Variants in METAP1D observed in about 807,000 individuals in gnomAD.
The protein encoded by METAP1D is methionyl aminopeptidase type 1D, mitochondrial.
In METAP1D, 31 loss-of-function variants were observed where a neutral mutation model predicts 40.5. The observed-to-expected ratio is 0.77, with a 90% CI of 0.58 to 1.03. The LOEUF (loss-of-function observed/expected upper bound fraction) is 1.03, where lower values mean the gene tolerates loss of function less well. METAP1D is among the 50% of genes least tolerant of loss of function. The pLI, the probability that METAP1D is intolerant of heterozygous loss-of-function variation, is 0.00. For missense variants in METAP1D, 411 were observed against 420.7 expected, an observed-to-expected ratio of 0.98 and a Z score of 0.20; for synonymous variants, 151 against 146.4, an observed-to-expected ratio of 1.03 and a Z score of -0.22.
intron 1 of METAP1D, among the ~76,000 whole-genome samples, chr2:172,000,384 G>C (rs906998622): frequency 1.3e-5 from 2 of 152,188 alleles, no homozygotes; most frequent in African/African-American, 4.8e-5. Context: ...CTGGACACCC[G>C]GTTCCCTTCC....
chr2:172,064,078 C>A, intron 3 of METAP1D: 1 of 523,406 alleles, frequency 1.9e-6, no homozygotes, highest in Non-Finnish European at 2.9e-6. Flanking sequence ...ATTTAAAATC[C>A]AAATTCAATT....
At chr2:172,019,571 T>C (rs1183032768) in intron 1 of METAP1D, among the ~76,000 whole-genome samples, 1 of 151,564 alleles carries the variant, frequency 6.6e-6, no homozygotes, top group East Asian at 1.9e-4. Flanking sequence ...ATATAAAATA[T>C]ATACATATTA....
At chr2:172,057,953 G>A (rs1477414312) in intron 1 of METAP1D, among the ~76,000 whole-genome samples, 1 of 144,744 alleles carries the variant, frequency 6.9e-6, no homozygotes, top group Non-Finnish European at 1.5e-5. Flanking sequence ...TTTTTTTTGA[G>A]ACAGGATCTT....
intron 1 of METAP1D, among the ~76,000 whole-genome samples, chr2:172,015,956 T>C (rs1284680790): frequency 5.5e-5 from 8 of 145,968 alleles, no homozygotes; most frequent in Admixed American, 4.1e-4. Context: ...TCTTGTGTCT[T>C]AAAACTATAA....
intron 1 of METAP1D, among the ~76,000 whole-genome samples, chr2:172,019,693 A>G (rs1268533046): frequency 6.6e-6 from 1 of 152,064 alleles, no homozygotes; most frequent in Non-Finnish European, 1.5e-5. Flanking sequence ...ACTTTATAAA[A>G]CCTACTCTCT....
At position 172,080,475 on chromosome 2, in the gene METAP1D, T is replaced by C; in HGVS notation, c.*69T>C. 6.5e-7 allele frequency: 1 copy of C among 1,530,206 alleles called. No individual in the cohort carries two copies. Among genetic ancestry groups the C allele is most frequent in the Non-Finnish European group, 9.0e-7 (1 of 1,105,996 alleles). The allele number at this position is 1,530,206 out of a possible 1,614,324, so 94.8% of individuals were successfully genotyped here. A position where few individuals can be genotyped will look rare whatever the true frequency, so the allele number is the denominator to read the frequency against. ...AATTGCTGAAATTTGGCTGGAGAACTTTTAGAAGAAACAGGGAAATGACCG... is the reference window on the plus strand; with the variant it reads ...AATTGCTGAAATTTGGCTGGAGAACCTTTAGAAGAAACAGGGAAATGACCG... On this transcript the variant is annotated 3_prime_UTR_variant, in exon 10 of 10. Coordinates refer to ENST00000315796, the MANE Select transcript of METAP1D (RefSeq NM_199227.3).
intron 1 of METAP1D, among the ~76,000 whole-genome samples, chr2:172,017,066 C>T (rs1343427106): frequency 2.6e-5 from 4 of 152,070 alleles, no homozygotes; most frequent in South Asian, 2.1e-4. Flanking sequence ...TTTAAAATCA[C>T]GTTCATTTGT....
At chr2:172,016,297 AAAAATAT>A (rs1277463540) in intron 1 of METAP1D, among the ~76,000 whole-genome samples, 2 of 74,014 alleles carry the variant, frequency 2.7e-5, no homozygotes, top group East Asian at 7.0e-4. Context: ...AAAAAAAAAA[AAAAATAT>A]ATATATATAT....
chr2:172,024,280 T>A (rs1325668902), intron 1 of METAP1D, among the ~76,000 whole-genome samples: 1 of 152,166 alleles, frequency 6.6e-6, no homozygotes, highest in African/African-American at 2.4e-5. Flanking sequence ...ACCTCCATTT[T>A]AAATCCCCTC....
intron 5 of METAP1D, among the ~76,000 whole-genome samples, chr2:172,066,659 T>C (rs570278491): frequency 1.5e-4 from 23 of 152,194 alleles, no homozygotes; most frequent in African/African-American, 5.3e-4. Context: ...AAGCTAGATA[T>C]GTATGAGATG....
At chr2:172,047,879 T>C (rs1459484336) in intron 1 of METAP1D, among the ~76,000 whole-genome samples, 3 of 152,182 alleles carry the variant, frequency 2.0e-5, no homozygotes, top group Non-Finnish European at 4.4e-5. Flanking sequence ...TATTCTTATA[T>C]GTTTAGAAAG....
intron 1 of METAP1D, among the ~76,000 whole-genome samples, chr2:172,004,256 C>T (rs1362831671): frequency 6.6e-6 from 1 of 152,012 alleles, no homozygotes; most frequent in African/African-American, 2.4e-5. Flanking sequence ...GCCAACTGCC[C>T]TGAGATCCTT....
At chr2:172,052,505 G>C (rs1003872947) in intron 1 of METAP1D, among the ~76,000 whole-genome samples, 1 of 152,112 alleles carries the variant, frequency 6.6e-6, no homozygotes, top group African/African-American at 2.4e-5. Context: ...TACATGGCTC[G>C]CTCTGTATTT....
intron 1 of METAP1D, 57 bp from the exon 2 acceptor site, chr2:172,061,441 G>A (rs1025773645): frequency 1.6e-5 from 23 of 1,444,698 alleles, no homozygotes; most frequent in South Asian, 4.1e-5. Flanking sequence ...ACATCTTAAA[G>A]TGGAGGACTG....
At chr2:172,035,147 G>GTTTTTTT (rs539548685) in intron 1 of METAP1D, among the ~76,000 whole-genome samples, 1 of 147,650 alleles carries the variant, frequency 6.8e-6, no homozygotes, top group African/African-American at 2.5e-5. Flanking sequence ...ACTGTACTGT[G>GTTTTTTT]TTTTTTTTTT....
intron 1 of METAP1D, among the ~76,000 whole-genome samples, chr2:172,028,192 G>A (rs1689163547): frequency 6.6e-6 from 1 of 152,200 alleles, no homozygotes; most frequent in Non-Finnish European, 1.5e-5. Context: ...GGTCCCAGAA[G>A]GCCTGCTGAT....
intron 1 of METAP1D, among the ~76,000 whole-genome samples, chr2:172,046,177 A>T (rs1156548090): frequency 1.3e-5 from 2 of 150,866 alleles, no homozygotes; most frequent in Non-Finnish European, 3.0e-5. Context: ...AAAGTCTGTA[A>T]CTCTTCCTTC....
intron 1 of METAP1D, among the ~76,000 whole-genome samples, chr2:172,001,955 G>GT (rs1688474251): frequency 6.6e-6 from 1 of 151,704 alleles, no homozygotes; most frequent in Non-Finnish European, 1.5e-5. Flanking sequence ...AATTAGCCAG[G>GT]TGTGGTGGCA....
At chr2:172,064,176 A>C in intron 3 of METAP1D, 1 of 207,098 alleles carries the variant, frequency 4.8e-6, no homozygotes, top group South Asian at 1.4e-4. Flanking sequence ...TTGCCCCCCT[A>C]CTCCTGCCTG....
Sources: allele counts gnomAD v4.1 joint callset (sites outside exome capture counted in the v4.1 genomes callset), GRCh38; gene constraint gnomAD v4.1.1; transcripts MANE v1.5; gene names NCBI Gene and HGNC (gene_info 2026-07-23, HGNC 2026-07-21).